Variants in CCDC6 observed in about 807,000 individuals in gnomAD.
CCDC6 encodes the protein coiled-coil domain-containing protein 6.
A neutral mutation model predicts 56.6 loss-of-function variants in CCDC6; 20 were observed. The ratio of observed to expected loss-of-function variants is 0.35; its 90% CI spans 0.25 to 0.51. The LOEUF is 0.51. Among genes scored for constraint, CCDC6 ranks in the 20% least tolerant of loss-of-function variants. The pLI, the probability that CCDC6 is intolerant of heterozygous loss-of-function variation, is 0.95. For missense variants in CCDC6, 367 were observed against 601.1 expected (o/e 0.61, Z 4.07); for synonymous variants, 241 against 234.4 (o/e 1.03, Z -0.26).
intron 1 of CCDC6, among the ~76,000 whole-genome samples, chr10:59,889,729 G>C (rs993037615): frequency 1.3e-5 from 2 of 152,202 alleles, no homozygotes; most frequent in Non-Finnish European, 2.9e-5. Flanking sequence ...AGAACTCAGA[G>C]TATTTCTCCC....
At chr10:59,828,114 A>G (rs2070804432) in intron 3 of CCDC6, among the ~76,000 whole-genome samples, 1 of 152,242 alleles carries the variant, frequency 6.6e-6, no homozygotes, top group African/African-American at 2.4e-5. Flanking sequence ...ATTATTCAGA[A>G]TAAGATTTCT....
intron 5 of CCDC6, among the ~76,000 whole-genome samples, chr10:59,810,054 G>A (rs779898327): frequency 2.5e-4 from 38 of 152,180 alleles, no homozygotes; most frequent in Non-Finnish European, 3.7e-4. Flanking sequence ...AGAATTCCAA[G>A]GATGAGTCCT....
At chr10:59,881,923 G>C (rs893412390) in intron 1 of CCDC6, among the ~76,000 whole-genome samples, 4 of 152,126 alleles carry the variant, frequency 2.6e-5, no homozygotes, top group Non-Finnish European at 4.4e-5. Context: ...AAGTGCTCTT[G>C]TATCCAAAAC....
Position 59,791,269 on chromosome 10 carries a change from G to A in CCDC6, c.*1648C>T, listed in dbSNP as rs1055954749. 3 of 200,990 alleles carry A rather than the reference G, an allele frequency of 1.5e-5. No individual in the cohort carries two copies. The highest frequency in any genetic ancestry group is 1.9e-4 in the South Asian group (1 of 5,224). 12.5% of individuals were successfully genotyped at this position (200,990 alleles called of 1,614,324 possible). ...ACAATTGAGTGATGTTCTCAGTTTGGGGGTGGAAGCAGGAAGAGGTGAAAA... is the reference window on the plus strand; with the variant it reads ...ACAATTGAGTGATGTTCTCAGTTTGAGGGTGGAAGCAGGAAGAGGTGAAAA... On this transcript the variant is annotated 3_prime_UTR_variant, in exon 9 of 9. Transcript: ENST00000263102.
chr10:59,905,903 C>A (rs371604541), intron 1 of CCDC6, among the ~76,000 whole-genome samples: 23 of 152,214 alleles, frequency 1.5e-4, no homozygotes, highest in African/African-American at 5.1e-4. Context: ...TTCCCCCGCA[C>A]CGCGCAAGGG....
Position 59,812,659 on chromosome 10 carries a change from G to A in CCDC6, c.823C>T (p.Gln275Ter). 1 of 1,613,214 alleles carries A rather than the reference G, an allele frequency of 6.2e-7. No homozygotes were observed. The highest frequency in any genetic ancestry group is 8.5e-7 in the Non-Finnish European group (1 of 1,179,404). The change falls in exon 5 of 9, where the codon CAA becomes TAA. Residue 275 changes from glutamine (Q) to a stop codon, truncating the protein, a stop_gained. Transcript: ENST00000263102. LOFTEE classifies it high-confidence loss of function. ...LKNEVERLKKQLRAAQLQHSE... is the reference protein window; with the variant it reads ...LKNEVERLKK ...CGCTGTAACTGAGCAGCTCTCAGTT[G>A]CTTCTTCAGCCGTTCCACTTCATTC...
intron 2 of CCDC6, among the ~76,000 whole-genome samples, chr10:59,843,347 C>T (rs3999569): frequency 0.52 from 78,311 of 152,040 alleles, 21,957 homozygotes; most frequent in African/African-American, 0.75. Context: ...GAGAAAGTTA[C>T]GTTTTTCTAA....
At position 59,840,689 on chromosome 10, in the gene CCDC6, T is replaced by C. The variant is rs551097244; in HGVS notation, c.454-8036A>G. On this transcript the variant is annotated intron_variant, in intron 2 of 8. Coordinates refer to ENST00000263102, the MANE Select transcript of CCDC6 (RefSeq NM_005436.5). ...CTTCTTACTCCAAACATACTCCACT[T>C]GCTGTCTTTTCCATCTTAAATGATG... 3.3e-5 allele frequency among the ~76,000 whole-genome samples: 5 copies of C among 152,366 alleles called. No individual in the cohort carries two copies. In the East Asian group the frequency reaches 9.6e-4, roughly 29 times the overall value.
chr10:59,905,826 A>G (rs1422716648), intron 1 of CCDC6, among the ~76,000 whole-genome samples: 1 of 152,110 alleles, frequency 6.6e-6, no homozygotes, highest in East Asian at 1.9e-4. Context: ...GCCAGCCTCC[A>G]GCCCAGCCCC....
rs1342428858 is a variant in CCDC6 at position 59,791,495 on chromosome 10, A to G, written c.*1422T>C. ...GAGTGTGTTTAATAAAGAGTTGGCT[A>G]TTAGAGATGGTTGTCACAAAACATG... On this transcript the variant is annotated 3_prime_UTR_variant, in exon 9 of 9. Transcript: ENST00000263102. The G allele has an allele frequency of 5.1e-6, 1 of 195,362 alleles. No individual in the cohort carries two copies. The highest frequency in any genetic ancestry group is 1.1e-5 in the Non-Finnish European group (1 of 93,766). The allele number at this position is 195,362 out of a possible 1,614,324, so 12.1% of individuals were successfully genotyped here. A position where few individuals can be genotyped will look rare whatever the true frequency, so the allele number is the denominator to read the frequency against.
intron 3 of CCDC6, among the ~76,000 whole-genome samples, chr10:59,825,356 T>G (rs886748789): frequency 9.2e-5 from 14 of 152,242 alleles, no homozygotes; most frequent in Non-Finnish European, 2.1e-4. Context: ...CCTACTGCTG[T>G]CCATGTAAGA....
chr10:59,871,394 G>A (rs948106921), intron 1 of CCDC6, among the ~76,000 whole-genome samples: 16 of 149,604 alleles, frequency 1.1e-4, no homozygotes, highest in African/African-American at 2.2e-4. Flanking sequence ...CACAAATCTC[G>A]GAGGGACTGC....
In CCDC6 at chr10:59,852,695, C is replaced by A; in HGVS notation, c.311G>T (p.Arg104Met). The A allele has an allele frequency of 1.3e-6, 2 of 1,545,992 alleles. No homozygotes were observed. The highest frequency in any genetic ancestry group is 1.7e-6 in the Non-Finnish European group (2 of 1,157,904). The stretch of plus-strand genomic sequence containing the variant: ...AATGAATTCTTCTTCCTGCTCAGCC[C>A]TGGCTTGCTGTTTAAAAAAAAAAAA... Reference protein sequence around the residue: ...LRKASVTIQARAEQEEEFISN... With the variant: ...LRKASVTIQAMAEQEEEFISN... Residue 104 changes from arginine (R) to methionine (M), a missense_variant, in exon 2 of 9, where the codon AGG (arginine) becomes ATG (methionine). By Grantham distance (91) the Arg-to-Met change is moderately conservative. Coordinates refer to ENST00000263102, the MANE Select transcript of CCDC6 (RefSeq NM_005436.5).
At chr10:59,833,118 G>A (rs1412375390) in intron 2 of CCDC6, among the ~76,000 whole-genome samples, 3 of 152,142 alleles carry the variant, frequency 2.0e-5, no homozygotes, top group African/African-American at 7.2e-5. Flanking sequence ...TACAGAGACT[G>A]TATGCCACAG....
intron 3 of CCDC6, 28 bp downstream of exon 3, chr10:59,832,497 A>G: frequency 6.3e-7 from 1 of 1,593,862 alleles, no homozygotes. Context: ...AGAAAATACA[A>G]TGTAAAGGAA....
intron 1 of CCDC6, among the ~76,000 whole-genome samples, chr10:59,853,120 A>G (rs1386645071): frequency 1.4e-5 from 2 of 140,766 alleles, no homozygotes; most frequent in African/African-American, 5.9e-5. Flanking sequence ...ATGGTTTACA[A>G]TTAAATATCT....
intron 1 of CCDC6, among the ~76,000 whole-genome samples, chr10:59,879,753 A>T (rs2071317134): frequency 6.6e-6 from 1 of 152,146 alleles, no homozygotes; most frequent in Non-Finnish European, 1.5e-5. Context: ...TGCTTCCATC[A>T]ACCCTTCCCA....
At chr10:59,860,064 A>C (rs910485199) in intron 1 of CCDC6, among the ~76,000 whole-genome samples, 5 of 152,218 alleles carry the variant, frequency 3.3e-5, no homozygotes, top group Non-Finnish European at 7.3e-5. Flanking sequence ...TCTAGGCAAC[A>C]GAGCGAGATT....
chr10:59,799,357 C>T (rs1342803106), intron 7 of CCDC6, among the ~76,000 whole-genome samples: 3 of 150,628 alleles, frequency 2.0e-5, no homozygotes, highest in East Asian at 4.0e-4. Flanking sequence ...ACCCAGGAGG[C>T]GGAGGTTGCA....
Sources: allele counts gnomAD v4.1 joint callset (sites outside exome capture counted in the v4.1 genomes callset), GRCh38; gene constraint gnomAD v4.1.1; transcripts MANE v1.5; gene names NCBI Gene and HGNC (gene_info 2026-07-23, HGNC 2026-07-21).